Variants in ZNF618 observed in about 807,000 individuals in gnomAD.
The protein encoded by ZNF618 is zinc finger protein 618.
Under a neutral mutation model 103.0 loss-of-function variants are expected in ZNF618, and 34 were observed. That is an observed-to-expected ratio of 0.33 (90% CI 0.25 to 0.44). ZNF618 has a LOEUF of 0.44. ZNF618 is among the 20% of genes least tolerant of loss of function. The pLI is 1.00. For missense variants in ZNF618, 1,059 were observed against 1,295.4 expected (o/e 0.82, Z 2.80); for synonymous variants, 551 against 542.2 (o/e 1.02, Z -0.23).
At chr9:113,886,233 A>C (rs1829058427) in intron 1 of ZNF618, among the ~76,000 whole-genome samples, 1 of 152,226 alleles carries the variant, frequency 6.6e-6, no homozygotes, top group Admixed American at 6.5e-5. Context: ...CCAAGACAGC[A>C]TATCTGAGGA....
intron 2 of ZNF618, among the ~76,000 whole-genome samples, chr9:113,984,166 C>T (rs1040584515): frequency 1.4e-4 from 22 of 152,166 alleles, no homozygotes; most frequent in African/African-American, 4.3e-4. Flanking sequence ...CTAGAAGCTA[C>T]ACTGGAATTT....
Position 113,880,739 on chromosome 9 carries a change from T to A in ZNF618, c.33+4326T>A, listed in dbSNP as rs1471731794. On this transcript the variant is annotated intron_variant, in intron 1 of 14. Coordinates refer to ENST00000374126, the MANE Select transcript of ZNF618 (RefSeq NM_001318042.2). ...ACAGGTGAGTATCCTCTCATGAAAC[T>A]TGTATTTATATTTGTGGATGTATGT... 5.3e-4 allele frequency among the ~76,000 whole-genome samples: 80 copies of A among 152,156 alleles called. 1 individual carries two copies. The highest frequency in any genetic ancestry group is 5.2e-3 in the Admixed American group (80 of 15,268).
In ZNF618 at chr9:113,937,379, C is replaced by T. The variant is rs747465059; in HGVS notation, c.34-31738C>T. Among the ~76,000 whole-genome samples the T allele has an allele frequency of 5.3e-5, 8 of 152,310 alleles. No individual in the cohort carries two copies. In the East Asian group the frequency reaches 9.6e-4, roughly 18 times the overall value. The stretch of plus-strand genomic sequence containing the variant: ...TGTTTCCTACAAACAAGGACATTTA[C>T]GTATATAACCACAATCTTTATCAGG... On this transcript the variant is annotated intron_variant, in intron 1 of 14. Transcript: ENST00000374126.
Position 114,050,450 on chromosome 9 carries a change from A to G in ZNF618, c.*283A>G, listed in dbSNP as rs1054229147. Reference sequence around the variant, plus strand: ...AGAAACTTTGCACACACGCACACACACACACACACACACACACACACACAC... The same window carrying G: ...AGAAACTTTGCACACACGCACACACGCACACACACACACACACACACACAC... On this transcript the variant is annotated 3_prime_UTR_variant, in exon 15 of 15. Coordinates refer to ENST00000374126, the MANE Select transcript of ZNF618 (RefSeq NM_001318042.2). 1,100 of 279,864 alleles carry G rather than the reference A, an allele frequency of 3.9e-3. 4 individuals carry two copies. Among genetic ancestry groups the G allele is most frequent in the Middle Eastern group, 8.5e-3 (8 of 944 alleles). The allele number at this position is 279,864 out of a possible 1,614,324, so 17.3% of individuals were successfully genotyped here.
At chr9:113,904,654 A>G (rs1830831183) in intron 1 of ZNF618, among the ~76,000 whole-genome samples, 1 of 152,236 alleles carries the variant, frequency 6.6e-6, no homozygotes, top group South Asian at 2.1e-4. Context: ...GAGATCAGAA[A>G]TCTGAAATGG....
Position 114,032,134 on chromosome 9 carries a change from C to T in ZNF618, c.1085-511C>T, listed in dbSNP as rs2840231. On this transcript the variant is annotated intron_variant, in intron 11 of 14. Transcript: ENST00000374126. Reference sequence around the variant, plus strand: ...GGCCTCTGGGGGTGTGGGGCTACCCCTGCTCTCCCTGTCACGCCATCTGTT... The same window carrying T: ...GGCCTCTGGGGGTGTGGGGCTACCCTTGCTCTCCCTGTCACGCCATCTGTT... 3.9e-3 allele frequency among the ~76,000 whole-genome samples: 596 copies of T among 152,334 alleles called. 8 individuals are homozygous for T. The highest frequency in any genetic ancestry group is 0.013 in the African/African-American group (540 of 41,572).
At chr9:114,035,278 G>A (rs1009862227) in intron 12 of ZNF618, 1 of 984,858 alleles carries the variant, frequency 1.0e-6, no homozygotes, top group East Asian at 1.1e-4. Flanking sequence ...GGCAAGGCAG[G>A]GCAGGGAAGG....
chr9:114,016,320 G>A (rs1401412342), intron 9 of ZNF618: 9 of 686,452 alleles, frequency 1.3e-5, no homozygotes, highest in African/African-American at 9.1e-5. Context: ...AGGGGCTGAC[G>A]AAGAGGTTGG....
chr9:113,942,180 C>G (rs1332598646), intron 1 of ZNF618, among the ~76,000 whole-genome samples: 1 of 151,976 alleles, frequency 6.6e-6, no homozygotes, highest in Non-Finnish European at 1.5e-5. Context: ...AAGGTAAGAC[C>G]TTCTCTGAGC....
chr9:114,050,442 GCACA>G lies in ZNF618; in HGVS notation c.*305_*308del, dbSNP rs113819665. On this transcript the variant is annotated 3_prime_UTR_variant, in exon 15 of 15. Transcript: ENST00000374126. ...ATGGCCAGAGAAACTTTGCACACAC[GCACA>G]CACACACACACACACACACACACAC... The G allele has an allele frequency of 0.093, 19,414 of 209,772 alleles. 726 individuals are homozygous for G. Among genetic ancestry groups the G allele is most frequent in the Middle Eastern group, 0.13 (83 of 618 alleles). The allele number at this position is 209,772 out of a possible 1,614,324, so 13.0% of individuals were successfully genotyped here. A position where few individuals can be genotyped will look rare whatever the true frequency, so the allele number is the denominator to read the frequency against.
chr9:114,001,073 G>A (rs1588294495), intron 4 of ZNF618, among the ~76,000 whole-genome samples: 1 of 152,230 alleles, frequency 6.6e-6, no homozygotes, highest in African/African-American at 2.4e-5. Context: ...CTTCATGAGG[G>A]CTGATTTAGA....
Position 114,003,628 on chromosome 9 carries a change from G to T in ZNF618, c.550+966G>T, listed in dbSNP as rs1024627688. 1.3e-5 allele frequency among the ~76,000 whole-genome samples: 2 copies of T among 152,240 alleles called. 1 individual carries two copies. The highest frequency in any genetic ancestry group is 1.3e-4 in the Admixed American group (2 of 15,290). ...AACAGAGTTCAGCCTCTAAGATTCT[G>T]CATAGAGAAAGGGCAAAAGCAGCTA... On this transcript the variant is annotated intron_variant, in intron 6 of 14. Transcript: ENST00000374126.
chr9:113,980,180 A>T (rs183574142), intron 2 of ZNF618, among the ~76,000 whole-genome samples: 14 of 152,206 alleles, frequency 9.2e-5, no homozygotes, highest in Non-Finnish European at 1.5e-5. Context: ...TGAAGTGGAG[A>T]TGATGGTGGT....
intron 6 of ZNF618, among the ~76,000 whole-genome samples, chr9:114,005,705 A>G (rs1447324021): frequency 6.6e-6 from 1 of 152,200 alleles, no homozygotes; most frequent in Non-Finnish European, 1.5e-5. Flanking sequence ...CAGGGTTGCA[A>G]AAGAGACACT....
chr9:113,913,081 A>G (rs898160598), intron 1 of ZNF618, among the ~76,000 whole-genome samples: 2 of 152,044 alleles, frequency 1.3e-5, no homozygotes, highest in Non-Finnish European at 2.9e-5. Context: ...CAAACTCTGG[A>G]AACGGGAGAG....
At chr9:113,977,525 G>T (rs1249132923) in intron 2 of ZNF618, among the ~76,000 whole-genome samples, 3 of 152,134 alleles carry the variant, frequency 2.0e-5, no homozygotes, top group African/African-American at 4.8e-5. Context: ...TTGCAGGGTG[G>T]TGGGTCTCTG....
chr9:114,035,918 C>CAG (rs1004827934), intron 12 of ZNF618, among the ~76,000 whole-genome samples: 2 of 152,174 alleles, frequency 1.3e-5, no homozygotes, highest in African/African-American at 4.8e-5. Flanking sequence ...CATGTGGTTC[C>CAG]AGAGAGAGAG....
Position 113,902,707 on chromosome 9 carries a change from C to T in ZNF618, c.33+26294C>T, listed in dbSNP as rs533125308. 1.3e-4 allele frequency among the ~76,000 whole-genome samples: 20 copies of T among 152,326 alleles called. 1 individual carries two copies. The highest frequency in any genetic ancestry group is 4.8e-4 in the African/African-American group (20 of 41,582). On this transcript the variant is annotated intron_variant, in intron 1 of 14. Transcript: ENST00000374126. The stretch of plus-strand genomic sequence containing the variant: ...GTGCAGCCACCACATTTTACCTATT[C>T]ACCTCCGAGCATTTTAATCAACGCC...
At chr9:114,036,035 G>T (rs1844566258) in intron 12 of ZNF618, among the ~76,000 whole-genome samples, 1 of 152,208 alleles carries the variant, frequency 6.6e-6, no homozygotes, top group Admixed American at 6.5e-5. Context: ...CCGAACAGTG[G>T]CTGGCACGCA....
Sources: gnomAD v4.1 joint callset for allele counts (sites outside exome capture counted in the v4.1 genomes callset) on GRCh38, gnomAD v4.1.1 for gene constraint, MANE v1.5 for transcripts, NCBI Gene and HGNC (gene_info 2026-07-23, HGNC 2026-07-21) for gene names.